Variants in SMAP1 observed in about 807,000 individuals in gnomAD.
SMAP1 encodes small ArfGAP 1.
Under a neutral mutation model 58.5 loss-of-function variants are expected in SMAP1, and 24 were observed. The observed-to-expected ratio is 0.41, with a 90% CI of 0.30 to 0.58. The LOEUF is 0.58. Among genes scored for constraint, SMAP1 ranks in the 20% least tolerant of loss-of-function variants. The probability of loss-of-function intolerance (pLI) is 0.29; values close to 1 mark genes in which losing one functional copy is unlikely to be tolerated. For missense variants in SMAP1, 563 were observed against 566.3 expected (o/e 0.99, Z 0.06); for synonymous variants, 216 against 196.6 (o/e 1.10, Z -0.82).
At chr6:70,835,765 C>G (rs537458613) in intron 6 of SMAP1, among the ~76,000 whole-genome samples, 15 of 152,268 alleles carry the variant, frequency 9.9e-5, no homozygotes, top group African/African-American at 3.4e-4. Context: ...CCTTGTCCTC[C>G]TAAAGTGCTG....
chr6:70,825,359 TC>T (rs1186326990), intron 6 of SMAP1, among the ~76,000 whole-genome samples: 1 of 152,140 alleles, frequency 6.6e-6, no homozygotes, highest in Non-Finnish European at 1.5e-5. Context: ...GGTTAAAAAC[TC>T]AGGTGTTTGG....
At chr6:70,675,921 G>C (rs1224464941) in intron 1 of SMAP1, among the ~76,000 whole-genome samples, 1 of 152,172 alleles carries the variant, frequency 6.6e-6, no homozygotes, top group Non-Finnish European at 1.5e-5. Flanking sequence ...TTGAATATCT[G>C]CTTTTCTTCT....
At chr6:70,767,145 T>G (rs1461530318) in intron 3 of SMAP1, among the ~76,000 whole-genome samples, 2 of 152,166 alleles carry the variant, frequency 1.3e-5, no homozygotes, top group South Asian at 2.1e-4. Context: ...TTTTGGTTAC[T>G]GTAGCCTTGT....
intron 7 of SMAP1, among the ~76,000 whole-genome samples, chr6:70,849,591 G>A (rs2150007654): frequency 6.6e-6 from 1 of 152,158 alleles, no homozygotes; most frequent in South Asian, 2.1e-4. Flanking sequence ...AAATTCTCTT[G>A]AGTCACACAT....
intron 9 of SMAP1, chr6:70,857,419 AATC>A (rs1483874877): frequency 6.0e-6 from 1 of 167,786 alleles, no homozygotes; most frequent in Non-Finnish European, 1.3e-5. Context: ...ATTTTTTTGT[AATC>A]ATAACAAAAT....
In SMAP1 at chr6:70,668,574, A is replaced by G. The variant is rs145224373; in HGVS notation, c.118+433A>G. On this transcript the variant is annotated intron_variant, in intron 1 of 10. Coordinates refer to ENST00000370455, the MANE Select transcript of SMAP1 (RefSeq NM_001044305.3). The stretch of plus-strand genomic sequence containing the variant: ...CGCTTAGGTCTGGATCCCCTCCTCT[A>G]CCCTCCGGTGTGACCACGTCCTCCC... 2,356 of 1,534,758 alleles carry G rather than the reference A, an allele frequency of 1.5e-3. 15 individuals carry two copies. In the African/African-American group the frequency reaches 0.024, roughly 16 times the overall value.
intron 1 of SMAP1, among the ~76,000 whole-genome samples, chr6:70,701,560 C>T (rs1219012265): frequency 6.6e-6 from 1 of 152,150 alleles, no homozygotes; most frequent in African/African-American, 2.4e-5. Flanking sequence ...GATGATTTTC[C>T]TCTGGTTAAG....
intron 5 of SMAP1, 131 bp from the exon 6 acceptor site, chr6:70,798,526 G>A (rs1768704005): frequency 1.7e-6 from 1 of 602,784 alleles, no homozygotes; most frequent in Non-Finnish European, 2.8e-6. Flanking sequence ...TTATATTTCA[G>A]TAGCACGTAG....
At chr6:70,834,473 G>C (rs1770488808) in intron 6 of SMAP1, among the ~76,000 whole-genome samples, 1 of 151,592 alleles carries the variant, frequency 6.6e-6, no homozygotes, top group Admixed American at 6.6e-5. Flanking sequence ...CAGTTAATTT[G>C]CGGAATGAAA....
In SMAP1 at chr6:70,791,707, C is replaced by G; in HGVS notation, c.433C>G (p.Pro145Ala). ...AITNISSSDA[P>A]LQPLVSSPSL... ...TCCACAGATTTCCTCCTCTGATGCT[C>G]CTCTTCAGCCTTTGGTATCCTCTCC... The change falls in exon 5 of 11, where the codon CCT becomes GCT. Residue 145 changes from proline (P) to alanine (A), a missense_variant. Pro to Ala is a conservative substitution (Grantham distance 27). Coordinates refer to ENST00000370455, the MANE Select transcript of SMAP1 (RefSeq NM_001044305.3). 6.2e-7 allele frequency: 1 copy of G among 1,612,824 alleles called. No individual in the cohort carries two copies. Among genetic ancestry groups the G allele is most frequent in the Non-Finnish European group, 8.5e-7 (1 of 1,179,466 alleles).
intron 2 of SMAP1, among the ~76,000 whole-genome samples, chr6:70,749,607 AAC>A (rs1766191908): frequency 2.6e-5 from 4 of 152,136 alleles, no homozygotes; most frequent in Non-Finnish European, 2.9e-5. Flanking sequence ...TTAAAAAAAA[AAC>A]AACAACCAGT....
intron 6 of SMAP1, among the ~76,000 whole-genome samples, chr6:70,813,055 C>T (rs964568739): frequency 2.6e-5 from 4 of 152,104 alleles, no homozygotes; most frequent in Admixed American, 6.6e-5. Context: ...CCTGGAGTCT[C>T]ACCACTTTTA....
intron 3 of SMAP1, among the ~76,000 whole-genome samples, chr6:70,771,136 G>A (rs771247460): frequency 9.2e-5 from 14 of 152,306 alleles, no homozygotes; most frequent in African/African-American, 2.6e-4. Flanking sequence ...GTACCCGGCC[G>A]TGTGAAGTGA....
intron 1 of SMAP1, among the ~76,000 whole-genome samples, chr6:70,672,277 A>G (rs1233555543): frequency 6.6e-6 from 1 of 152,176 alleles, no homozygotes; most frequent in African/African-American, 2.4e-5. Context: ...TTGCACCTTG[A>G]CTTTTGCCCA....
At chr6:70,857,186 T>C in intron 9 of SMAP1, 156 bp downstream of exon 9, 1 of 665,582 alleles carries the variant, frequency 1.5e-6, no homozygotes, top group Non-Finnish European at 2.2e-6. Flanking sequence ...GAATGAGCAT[T>C]AGAATTAAAA....
At chr6:70,858,867 C>G (rs528988650) in intron 10 of SMAP1, 1 of 153,032 alleles carries the variant, frequency 6.5e-6, no homozygotes, top group African/African-American at 2.4e-5. Context: ...AAGGTGTGAA[C>G]CAGACATCCC....
chr6:70,759,414 G>C (rs1336532250), intron 3 of SMAP1, among the ~76,000 whole-genome samples: 1 of 152,000 alleles, frequency 6.6e-6, no homozygotes, highest in Non-Finnish European at 1.5e-5. Flanking sequence ...GAATATAACA[G>C]GGTAAATTAC....
chr6:70,721,320 G>T (rs1387390056), intron 1 of SMAP1, among the ~76,000 whole-genome samples: 1 of 152,120 alleles, frequency 6.6e-6, no homozygotes, highest in Non-Finnish European at 1.5e-5. Context: ...AACCTCTAGG[G>T]CAGGGGCAAA....
chr6:70,756,110 T>C (rs1766479540), intron 3 of SMAP1, among the ~76,000 whole-genome samples: 2 of 152,060 alleles, frequency 1.3e-5, no homozygotes, highest in African/African-American at 2.4e-5. Context: ...TTATAACTCA[T>C]AGTTTAAAAA....
Sources: gnomAD v4.1 joint callset for allele counts (sites outside exome capture counted in the v4.1 genomes callset) on GRCh38, gnomAD v4.1.1 for gene constraint, MANE v1.5 for transcripts, NCBI Gene and HGNC (gene_info 2026-07-23, HGNC 2026-07-21) for gene names.